ULK4: variants seen among roughly 807,000 people sequenced by gnomAD.
ULK4 encodes the protein inactive serine/threonine-protein kinase ULK4.
ULK4 carries 133 observed loss-of-function variants against 160.6 expected under a neutral mutation model. That is an observed-to-expected ratio of 0.83 (90% CI 0.72 to 0.96). The LOEUF is 0.96. ULK4 is among the 40% of genes least tolerant of loss of function. The pLI, the probability that ULK4 is intolerant of heterozygous loss-of-function variation, is 0.00. For synonymous variants in ULK4, 534 were observed against 539.8 expected, an observed-to-expected ratio of 0.99 and a Z score of 0.15; for missense variants, 1,580 against 1,499.5, an observed-to-expected ratio of 1.05 and a Z score of -0.89.
intron 35 of ULK4, among the ~76,000 whole-genome samples, chr3:41,294,643 T>C (rs2079634758): frequency 6.6e-6 from 1 of 152,178 alleles, no homozygotes; most frequent in African/African-American, 2.4e-5. Context: ...CCAAACACAC[T>C]GAACCAAAAC....
Position 41,522,128 on chromosome 3 carries a change from T to C in ULK4, c.3226+43897A>G, listed in dbSNP as rs1490304085. ...CTGGTTAAATGTTTTTTCTTTTTTT[T>C]CTTTTTTTTTTTTTTTGAGACCGAG... is the stretch of plus-strand genomic sequence containing the variant. On this transcript the variant is annotated intron_variant, in intron 32 of 36. Coordinates refer to ENST00000301831, the MANE Select transcript of ULK4 (RefSeq NM_017886.4). 5.2e-5 allele frequency among the ~76,000 whole-genome samples: 7 copies of C among 134,098 alleles called. No homozygotes were observed. The East Asian group carries it at 5.9e-4, about 11-fold the overall frequency. 88.0% of individuals were successfully genotyped at this position (134,098 alleles called of 152,430 possible).
At chr3:41,765,995 G>T (rs1402832365) in intron 21 of ULK4, among the ~76,000 whole-genome samples, 1 of 152,196 alleles carries the variant, frequency 6.6e-6, no homozygotes, top group Non-Finnish European at 1.5e-5. Flanking sequence ...TTTAGGCCAG[G>T]CGTGGTGGCT....
chr3:41,839,330 ACT>A (rs1450306961), intron 17 of ULK4, among the ~76,000 whole-genome samples: 1 of 149,162 alleles, frequency 6.7e-6, no homozygotes, highest in Non-Finnish European at 1.5e-5. Flanking sequence ...ACAGAGCAAG[ACT>A]CTGTCTCAAA....
chr3:41,454,368 T>C (rs59820357), intron 34 of ULK4, among the ~76,000 whole-genome samples: 46,591 of 149,410 alleles, frequency 0.31, 7,993 homozygotes, highest in East Asian at 0.55. Context: ...GGTGAAACCC[T>C]GTCTCTATTA....
intron 3 of ULK4, 110 bp downstream of exon 3, chr3:41,937,988 G>T: frequency 1.4e-6 from 1 of 733,168 alleles, no homozygotes; most frequent in Non-Finnish European, 2.1e-6. Flanking sequence ...TATCCACAGA[G>T]CAATAGATTT....
Position 41,879,758 on chromosome 3 carries a change from G to A in ULK4, c.1656+4116C>T, listed in dbSNP as rs541488049. ...CTCCCAAAGTACTGGGATTACAGCC[G>A]TGAGTCACCACGCCCAGCTGATAAT... On this transcript the variant is annotated intron_variant, in intron 17 of 36. Coordinates refer to ENST00000301831, the MANE Select transcript of ULK4 (RefSeq NM_017886.4). Among the ~76,000 whole-genome samples the A allele has an allele frequency of 5.9e-5, 9 of 152,200 alleles. No individual in the cohort carries two copies. In the South Asian group the frequency reaches 8.3e-4, roughly 14 times the overall value.
chr3:41,635,728 T>C (rs1052493945), intron 30 of ULK4, among the ~76,000 whole-genome samples: 49 of 152,298 alleles, frequency 3.2e-4, no homozygotes, highest in South Asian at 2.1e-4. Flanking sequence ...CACTGAGCCA[T>C]AGATTGGTGA....
chr3:41,364,935 A>AT (rs1267352729), intron 35 of ULK4, among the ~76,000 whole-genome samples: 1 of 152,214 alleles, frequency 6.6e-6, no homozygotes, highest in African/African-American at 2.4e-5. Flanking sequence ...TCTCATTAAA[A>AT]TGCAGATACT....
At chr3:41,688,116 G>C (rs1006577871) in intron 27 of ULK4, 5 of 152,252 alleles carry the variant, frequency 3.3e-5, no homozygotes, top group African/African-American at 1.2e-4. Context: ...AGGGCTCCCA[G>C]CATGCACGGT....
chr3:41,341,843 T>C (rs1029360663), intron 35 of ULK4, among the ~76,000 whole-genome samples: 1 of 152,178 alleles, frequency 6.6e-6, no homozygotes, highest in South Asian at 2.1e-4. Context: ...AATAGTCAAA[T>C]GAATGGCAAT....
intron 22 of ULK4, among the ~76,000 whole-genome samples, chr3:41,746,014 C>T (rs2038406442): frequency 6.6e-6 from 1 of 150,900 alleles, no homozygotes; most frequent in Non-Finnish European, 1.5e-5. Context: ...CCTTCCTCCA[C>T]TGATAAAGAA....
At chr3:41,530,379 A>C (rs1267785424) in intron 32 of ULK4, among the ~76,000 whole-genome samples, 1 of 152,218 alleles carries the variant, frequency 6.6e-6, no homozygotes, top group African/African-American at 2.4e-5. Flanking sequence ...AAGTCAAGGC[A>C]GTCAGGGAGT....
chr3:41,909,634 G>C (rs1486892584), intron 11 of ULK4, among the ~76,000 whole-genome samples: 3 of 151,194 alleles, frequency 2.0e-5, no homozygotes, highest in Non-Finnish European at 4.4e-5. Flanking sequence ...AGAATCGCTT[G>C]AACCAGGGAG....
At chr3:41,952,120 T>G (rs575193539) in intron 2 of ULK4, among the ~76,000 whole-genome samples, 2 of 152,224 alleles carry the variant, frequency 1.3e-5, no homozygotes, top group South Asian at 4.1e-4. Context: ...GGACAAAAGC[T>G]TCATGACACT....
chr3:41,419,587 A>T (rs893113549), intron 34 of ULK4, among the ~76,000 whole-genome samples: 1 of 152,108 alleles, frequency 6.6e-6, no homozygotes, highest in Non-Finnish European at 1.5e-5. Flanking sequence ...TGGAGCTTGG[A>T]AAGTTTCTCT....
chr3:41,747,875 A>G (rs1299071604), intron 22 of ULK4, among the ~76,000 whole-genome samples: 1 of 152,140 alleles, frequency 6.6e-6, no homozygotes, highest in African/African-American at 2.4e-5. Context: ...ACTGTGAGAA[A>G]ATAAATTTAT....
chr3:41,574,048 G>A (rs2088095117), intron 31 of ULK4, among the ~76,000 whole-genome samples: 1 of 149,856 alleles, frequency 6.7e-6, no homozygotes, highest in Non-Finnish European at 1.5e-5. Context: ...CAGGAGCGGT[G>A]GCGCATGCCT....
At chr3:41,632,317 A>T (rs2033780383) in intron 30 of ULK4, among the ~76,000 whole-genome samples, 1 of 152,198 alleles carries the variant, frequency 6.6e-6, no homozygotes, top group South Asian at 2.1e-4. Context: ...CAGAAATTCC[A>T]TATTTTTTAA....
intron 18 of ULK4, among the ~76,000 whole-genome samples, chr3:41,823,415 G>A (rs780194453): frequency 3.9e-5 from 6 of 152,168 alleles, no homozygotes; most frequent in Non-Finnish European, 8.8e-5. Flanking sequence ...CTGTGACAAT[G>A]AAGAAAGAAA....
Sources: gnomAD v4.1 joint callset for allele counts (sites outside exome capture counted in the v4.1 genomes callset) on GRCh38, gnomAD v4.1.1 for gene constraint, MANE v1.5 for transcripts, NCBI Gene and HGNC (gene_info 2026-07-23, HGNC 2026-07-21) for gene names.